The following MARCHF7 variants were observed in gnomAD, a reference collection of about 807,000 sequenced individuals.
The protein encoded by MARCHF7 is membrane associated ring-CH-type finger 7, also known as E3 ubiquitin-protein ligase MARCHF7.
In MARCHF7, 20 loss-of-function variants were observed where a neutral mutation model predicts 76.5. The ratio of observed to expected loss-of-function variants is 0.26; its 90% CI spans 0.18 to 0.38. The LOEUF (loss-of-function observed/expected upper bound fraction) is 0.38. Among genes scored for constraint, MARCHF7 ranks in the 10% least tolerant of loss-of-function variants. MARCHF7 has a pLI of 1.00. For missense variants in MARCHF7, 797 were observed against 812.9 expected (o/e 0.98, Z 0.24); for synonymous variants, 295 against 293.0 (o/e 1.01, Z -0.07).
chr2:159,742,210 T>G (rs913989046), intron 4 of MARCHF7, among the ~76,000 whole-genome samples: 2 of 152,192 alleles, frequency 1.3e-5, no homozygotes, highest in African/African-American at 2.4e-5. Context: ...CTTGTTTTAG[T>G]TGTTGATTCA....
At chr2:159,750,627 T>C (rs1705524471) in intron 7 of MARCHF7, among the ~76,000 whole-genome samples, 1 of 152,200 alleles carries the variant, frequency 6.6e-6, no homozygotes, top group Non-Finnish European at 1.5e-5. Flanking sequence ...TAAATCACTG[T>C]TAAGAGTGAA....
chr2:159,719,574 C>T (rs1469420457), intron 3 of MARCHF7, among the ~76,000 whole-genome samples: 1 of 152,090 alleles, frequency 6.6e-6, no homozygotes, highest in Admixed American at 6.6e-5. Context: ...TGTCTCTTCC[C>T]GTAATGATCC....
At chr2:159,763,812 A>C (rs1013227971) in intron 10 of MARCHF7, among the ~76,000 whole-genome samples, 16 of 152,080 alleles carry the variant, frequency 1.1e-4, no homozygotes, top group Admixed American at 1.0e-3. Context: ...ATTAGTAAAA[A>C]ATTTTTCTTT....
In MARCHF7 at chr2:159,752,425, A is replaced by C. The variant is rs1467794149; in HGVS notation, c.1637A>C (p.Glu546Ala). 1 of 1,596,788 alleles carries C rather than the reference A, an allele frequency of 6.3e-7. No individual in the cohort carries two copies. Among genetic ancestry groups the C allele is most frequent in the Admixed American group, 1.8e-5 (1 of 55,824 alleles). ...KESLLLEDSE[E>A]EEGDLCRICQ... ...AGCCTCCTTTTAGAGGACTCAGAAGAAGAAGAAGGTGACTTATGTAGAATT... is the reference window on the plus strand; with the variant it reads ...AGCCTCCTTTTAGAGGACTCAGAAGCAGAAGAAGGTGACTTATGTAGAATT... Residue 546 changes from glutamate to alanine, a missense_variant, in exon 8 of 12, where the codon GAA becomes GCA. By Grantham distance (107) the Glu-to-Ala change is moderately radical. Coordinates refer to ENST00000409175, the MANE Select transcript of MARCHF7 (RefSeq NM_001282805.2).
intron 4 of MARCHF7, among the ~76,000 whole-genome samples, chr2:159,729,756 A>G (rs937677444): frequency 5.9e-5 from 9 of 152,040 alleles, no homozygotes; most frequent in African/African-American, 1.9e-4. Context: ...TGGTCAATCA[A>G]TGTGAATGGC....
intron 5 of MARCHF7, among the ~76,000 whole-genome samples, chr2:159,744,908 C>G (rs993586946): frequency 6.6e-6 from 1 of 152,154 alleles, no homozygotes; most frequent in African/African-American, 2.4e-5. Flanking sequence ...GTTTAATTTA[C>G]TTTTAAATCA....
At chr2:159,746,346 A>G (rs1434419034) in intron 6 of MARCHF7, among the ~76,000 whole-genome samples, 1 of 152,268 alleles carries the variant, frequency 6.6e-6, no homozygotes. Flanking sequence ...TTACTTTAGT[A>G]TAACATGGAT....
At chr2:159,716,325 G>A (rs970238072) in intron 3 of MARCHF7, among the ~76,000 whole-genome samples, 2 of 151,612 alleles carry the variant, frequency 1.3e-5, no homozygotes, top group African/African-American at 4.9e-5. Flanking sequence ...TAGTAACTGC[G>A]TGTTTGTATT....
At chr2:159,735,269 C>A (rs979519849) in intron 4 of MARCHF7, among the ~76,000 whole-genome samples, 1 of 152,236 alleles carries the variant, frequency 6.6e-6, no homozygotes, top group Non-Finnish European at 1.5e-5. Context: ...GGGCTAGTTT[C>A]TGTTCCTGTG....
intron 7 of MARCHF7, 39 bp downstream of exon 7, chr2:159,748,942 A>G: frequency 6.7e-7 from 1 of 1,490,872 alleles, no homozygotes; most frequent in Non-Finnish European, 8.9e-7. Flanking sequence ...TAAATCAAAA[A>G]TAGAGAAAGA....
intron 6 of MARCHF7, 113 bp from the exon 7 acceptor site, chr2:159,747,692 T>G (rs985621713): frequency 4.4e-5 from 43 of 975,064 alleles, no homozygotes; most frequent in Non-Finnish European, 6.4e-5. Context: ...GTAGTTACAA[T>G]ATAACAGTAT....
intron 4 of MARCHF7, among the ~76,000 whole-genome samples, chr2:159,741,366 A>C (rs374752337): frequency 2.6e-5 from 4 of 152,260 alleles, no homozygotes; most frequent in East Asian, 3.9e-4. Context: ...AAAACAACAA[A>C]AAAATCTGAT....
At chr2:159,767,213 G>A (rs745762601) in intron 11 of MARCHF7, 71 bp from the exon 12 acceptor site, 11 of 1,076,580 alleles carry the variant, frequency 1.0e-5, no homozygotes, top group African/African-American at 1.6e-5. Context: ...TGCTGTTCTG[G>A]CTTCATATTT....
intron 3 of MARCHF7, among the ~76,000 whole-genome samples, chr2:159,728,784 T>C (rs912109101): frequency 3.9e-5 from 6 of 152,208 alleles, no homozygotes; most frequent in African/African-American, 7.2e-5. Flanking sequence ...GAGTTCTTCA[T>C]TCCACTTTTA....
chr2:159,722,598 A>G (rs1483959382), intron 3 of MARCHF7, among the ~76,000 whole-genome samples: 1 of 152,236 alleles, frequency 6.6e-6, no homozygotes. Flanking sequence ...TGCTTAGTGC[A>G]TGAGTATCCA....
intron 4 of MARCHF7, among the ~76,000 whole-genome samples, chr2:159,730,213 T>C (rs1392648148): frequency 1.3e-5 from 2 of 152,226 alleles, no homozygotes; most frequent in Non-Finnish European, 1.5e-5. Flanking sequence ...GTTCTTTGGC[T>C]TTTGAAATGG....
chr2:159,748,982 T>TC, intron 7 of MARCHF7, 79 bp downstream of exon 7: 1 of 1,140,670 alleles, frequency 8.8e-7, no homozygotes, highest in African/African-American at 1.8e-5. Flanking sequence ...TCTTTTCTTT[T>TC]TTTTTTTTTT....
intron 3 of MARCHF7, among the ~76,000 whole-genome samples, chr2:159,720,435 A>C (rs1450162663): frequency 1.3e-5 from 2 of 152,218 alleles, no homozygotes; most frequent in Non-Finnish European, 2.9e-5. Context: ...TTTGTTAAAA[A>C]GTGCTCTTTT....
At chr2:159,760,825 T>C (rs1261323938) in intron 9 of MARCHF7, among the ~76,000 whole-genome samples, 2 of 152,222 alleles carry the variant, frequency 1.3e-5, no homozygotes, top group Admixed American at 6.5e-5. Flanking sequence ...CCATATTCTT[T>C]AGAAGTTTTA....
Sources: allele counts gnomAD v4.1 joint callset (sites outside exome capture counted in the v4.1 genomes callset), GRCh38; gene constraint gnomAD v4.1.1; transcripts MANE v1.5; gene names NCBI Gene and HGNC (gene_info 2026-07-23, HGNC 2026-07-21).